The following HLF variants were observed in gnomAD, a reference collection of about 807,000 sequenced individuals.
HLF encodes HLF transcription factor, PAR bZIP family member.
HLF carries 3 observed loss-of-function variants against 22.6 expected under a neutral mutation model. The ratio of observed to expected loss-of-function variants is 0.13; its 90% CI spans 0.06 to 0.34. The LOEUF (loss-of-function observed/expected upper bound fraction) is 0.34, where lower values mean the gene tolerates loss of function less well. Ranked by LOEUF, HLF falls within the 10% of genes least tolerant of loss-of-function variation. The pLI, the probability that HLF is intolerant of heterozygous loss-of-function variation, is 1.00. For missense variants in HLF, 299 were observed against 389.2 expected, an observed-to-expected ratio of 0.77 and a Z score of 1.95; for synonymous variants, 151 against 151.8, an observed-to-expected ratio of 0.99 and a Z score of 0.04.
chr17:55,288,835 A>T (rs2081032387), intron 2 of HLF: 16 of 621,510 alleles, frequency 2.6e-5, no homozygotes, highest in Non-Finnish European at 3.2e-5. Context: ...ATGCTTACAA[A>T]TAAAAGTGGA....
chr17:55,267,792 G>A lies in HLF; in HGVS notation c.157G>A (p.Glu53Lys). 4 of 1,600,374 alleles carry A rather than the reference G, an allele frequency of 2.5e-6. No homozygotes were observed. The highest frequency in any genetic ancestry group is 3.4e-6 in the Non-Finnish European group (4 of 1,168,964). ...AGACAAGGAAAAGAAGCTGGATGAT[G>A]AGAGTAACAGCCCGACGGTCCCCCA... Reference protein sequence around the residue: ...DKDKEKKLDDESNSPTVPQSA... With the variant: ...DKDKEKKLDDKSNSPTVPQSA... Residue 53 changes from glutamate (E) to lysine (K), a missense_variant, in exon 2 of 4, where the codon GAG becomes AAG. By Grantham distance (56) the Glu-to-Lys change is moderately conservative. This residue lies in a region of HLF where 72 missense variants were observed against 74.0 expected (regional missense o/e 0.97). Transcript: ENST00000226067.
At chr17:55,311,404 T>C (rs1904822053) in intron 2 of HLF, among the ~76,000 whole-genome samples, 1 of 152,056 alleles carries the variant, frequency 6.6e-6, no homozygotes, top group Non-Finnish European at 1.5e-5. Context: ...CTCGGGAGGC[T>C]GAGGCAGGAG....
chr17:55,265,750 C>T, intron 1 of HLF, 151 bp downstream of exon 1: 3 of 1,187,022 alleles, frequency 2.5e-6, no homozygotes, highest in Non-Finnish European at 3.3e-6. Context: ...GAGGAGCTCA[C>T]CCAGCACCCT....
At position 55,320,705 on chromosome 17, in the gene HLF, A is replaced by G; in HGVS notation, c.714A>G (p.Ala238=). 1 of 1,614,234 alleles carries G rather than the reference A, an allele frequency of 6.2e-7. No individual in the cohort carries two copies. Among genetic ancestry groups the G allele is most frequent in the Non-Finnish European group, 8.5e-7 (1 of 1,180,032 alleles). The part of the protein sequence containing the change: ...YWARRRKNNM[A]AKRSRDARRL... Reference sequence around the variant, plus strand: ...CAAGGCGCAGAAAGAACAACATGGCAGCCAAGCGCTCCCGCGACGCCCGGA... The same window carrying G: ...CAAGGCGCAGAAAGAACAACATGGCGGCCAAGCGCTCCCGCGACGCCCGGA... Residue 238 remains alanine, a synonymous_variant, in exon 4 of 4, where the codon GCA becomes GCG. Coordinates refer to ENST00000226067, the MANE Select transcript of HLF (RefSeq NM_002126.5). This position sits in a 1 kb window ranked among gnomAD's most constrained non-coding sequence, Gnocchi z 4.2.
In HLF at chr17:55,265,625, G is replaced by A. The variant is rs908997031; in HGVS notation, c.115+26G>A. On this transcript the variant is annotated intron_variant, in intron 1 of 3. Coordinates refer to ENST00000226067, the MANE Select transcript of HLF (RefSeq NM_002126.5). ...GTGAGCGCTGCCGCGGCCCCGCTCC[G>A]GGAAGGGACGACGCTCCGGGGGTCC... 13 of 1,502,824 alleles carry A rather than the reference G, an allele frequency of 8.7e-6. No homozygotes were observed. The Admixed American group carries it at 8.7e-5, about 10-fold the overall frequency. 93.1% of individuals were successfully genotyped at this position (1,502,824 alleles called of 1,614,324 possible).
chr17:55,294,668 C>T (rs1284090953), intron 2 of HLF, among the ~76,000 whole-genome samples: 1 of 152,188 alleles, frequency 6.6e-6, no homozygotes, highest in African/African-American at 2.4e-5. Flanking sequence ...GATGTCAGGC[C>T]GCCTTGTGAG....
chr17:55,321,386 A>G lies in HLF; in HGVS notation c.*507A>G. 2 of 235,158 alleles carry G rather than the reference A, an allele frequency of 8.5e-6. No individual in the cohort carries two copies. The highest frequency in any genetic ancestry group is 8.4e-6 in the Non-Finnish European group (1 of 118,968). 14.6% of individuals were successfully genotyped at this position (235,158 alleles called of 1,614,324 possible). ...GCTAATGAGGTGCACACAATAACTT[A>G]GCACTACTCCGCAGCTCTAGTCCTT... On this transcript the variant is annotated 3_prime_UTR_variant, in exon 4 of 4. Transcript: ENST00000226067.
chr17:55,317,160 G>T (rs1905106377), intron 3 of HLF, among the ~76,000 whole-genome samples: 1 of 151,874 alleles, frequency 6.6e-6, no homozygotes, highest in South Asian at 2.1e-4. Context: ...GTAGAGACGG[G>T]ATTTCACCGT....
chr17:55,268,119 G>A, intron 2 of HLF, 33 bp downstream of exon 2: 1 of 1,435,586 alleles, frequency 7.0e-7, no homozygotes, highest in Non-Finnish European at 9.4e-7. Flanking sequence ...CTTCAGAAAG[G>A]GAGGAGGAGG....
In HLF at chr17:55,290,212, A is replaced by C. The variant is rs546875419; in HGVS notation, c.451+22126A>C. 5.9e-5 allele frequency among the ~76,000 whole-genome samples: 9 copies of C among 152,292 alleles called. No homozygotes were observed. The East Asian group carries it at 1.3e-3, about 23-fold the overall frequency. On this transcript the variant is annotated intron_variant, in intron 2 of 3. Coordinates refer to ENST00000226067, the MANE Select transcript of HLF (RefSeq NM_002126.5). ...GTGGAGGTTCCTCAGAAAACTAGAA[A>C]TAGATCTACCATATGACCCAGCAGT...
rs1905316674 is a variant in HLF at position 55,323,050 on chromosome 17, A to C, written c.*2171A>C. ...TTAATGATCTGGTGGTCTCCTCGTC[A>C]ATCCATCAGCAATGCTTCTCTCATA... is the stretch of plus-strand genomic sequence containing the variant. On this transcript the variant is annotated 3_prime_UTR_variant, in exon 4 of 4. Coordinates refer to ENST00000226067, the MANE Select transcript of HLF (RefSeq NM_002126.5). 4.5e-6 allele frequency: 1 copy of C among 220,626 alleles called. No homozygotes were observed. The highest frequency in any genetic ancestry group is 9.1e-6 in the Non-Finnish European group (1 of 110,190). 13.7% of individuals were successfully genotyped at this position (220,626 alleles called of 1,614,324 possible).
intron 2 of HLF, among the ~76,000 whole-genome samples, chr17:55,285,528 C>T (rs945294246): frequency 1.3e-5 from 2 of 152,236 alleles, no homozygotes; most frequent in Non-Finnish European, 2.9e-5. Flanking sequence ...CCTTTTCAGC[C>T]AGGGCCATGG....
At chr17:55,305,261 C>CA (rs1174734625) in intron 2 of HLF, among the ~76,000 whole-genome samples, 2 of 152,164 alleles carry the variant, frequency 1.3e-5, no homozygotes, top group Non-Finnish European at 2.9e-5. Flanking sequence ...GCCTGTGGGT[C>CA]AACAGTTGCT....
chr17:55,293,425 G>A (rs1343711310), intron 2 of HLF, among the ~76,000 whole-genome samples: 1 of 152,152 alleles, frequency 6.6e-6, no homozygotes, highest in East Asian at 1.9e-4. Flanking sequence ...TGAGAACCGG[G>A]CAGTCAGCTA....
intron 2 of HLF, among the ~76,000 whole-genome samples, chr17:55,308,116 G>C (rs1223084176): frequency 6.6e-6 from 1 of 152,208 alleles, no homozygotes; most frequent in African/African-American, 2.4e-5. Context: ...GCAATGGGAA[G>C]CCTTGGGAGG....
At chr17:55,290,039 C>T (rs2081045892) in intron 2 of HLF, among the ~76,000 whole-genome samples, 5 of 152,338 alleles carry the variant, frequency 3.3e-5, no homozygotes, top group Admixed American at 3.3e-4. Context: ...AGGAGTCTCT[C>T]TTGACAACCC....
intron 2 of HLF, among the ~76,000 whole-genome samples, chr17:55,297,937 A>G (rs982571071): frequency 2.0e-5 from 3 of 151,472 alleles, no homozygotes; most frequent in Non-Finnish European, 4.4e-5. Context: ...TTTAGTAGAG[A>G]CGGAGTTTCG....
intron 2 of HLF, among the ~76,000 whole-genome samples, chr17:55,276,014 A>G (rs2080901535): frequency 6.6e-6 from 1 of 152,150 alleles, no homozygotes; most frequent in Non-Finnish European, 1.5e-5. Flanking sequence ...AGGCTGAGGC[A>G]AGAGGATCGC....
intron 2 of HLF, among the ~76,000 whole-genome samples, chr17:55,314,174 G>A (rs1354939368): frequency 6.6e-6 from 1 of 152,110 alleles, no homozygotes; most frequent in African/African-American, 2.4e-5. Flanking sequence ...TTTGGGTCTG[G>A]TATGAAGTTC....
Sources: gnomAD v4.1 joint callset for allele counts (sites outside exome capture counted in the v4.1 genomes callset) on GRCh38, gnomAD v4.1.1 for gene constraint, gnomAD v4.1.1 regional missense constraint, Gnocchi (gnomAD v3.1) non-coding constraint, MANE v1.5 for transcripts, NCBI Gene and HGNC (gene_info 2026-07-23, HGNC 2026-07-21) for gene names.